The following HDGF variants were observed in gnomAD, a reference collection of about 807,000 sequenced individuals.
HDGF encodes hepatoma-derived growth factor.
A neutral mutation model predicts 30.0 loss-of-function variants in HDGF; 5 were observed. That is an observed-to-expected ratio of 0.17 (90% CI 0.09 to 0.35). HDGF has a LOEUF of 0.35. Ranked by LOEUF, HDGF falls within the 10% of genes least tolerant of loss-of-function variation. The probability of loss-of-function intolerance (pLI) is 1.00; values close to 1 mark genes in which losing one functional copy is unlikely to be tolerated. For missense variants in HDGF, 214 were observed against 302.8 expected (o/e 0.71, Z 2.18); for synonymous variants, 133 against 112.7 (o/e 1.18, Z -1.14).
upstream of HDGF, among the ~76,000 whole-genome samples, chr1:156,767,169 C>T (rs1013544594): frequency 7.9e-5 from 12 of 152,178 alleles, no homozygotes; most frequent in African/African-American, 1.2e-4. Context: ...CCCGACATCA[C>T]TTGCAGTTTC....
upstream of HDGF, among the ~76,000 whole-genome samples, chr1:156,767,303 C>A (rs1651417931): frequency 6.6e-6 from 1 of 152,118 alleles, no homozygotes; most frequent in South Asian, 2.1e-4. Context: ...CTTGTAGTCA[C>A]CTCGGAATTG....
At chr1:156,763,777 G>A (rs184973459) in intron 1 of HDGF, among the ~76,000 whole-genome samples, 1,527 of 151,638 alleles carry the variant, frequency 0.01, 19 homozygotes, top group Admixed American at 0.014. Flanking sequence ...TAGTAGAGAC[G>A]GGGTTTCACC....
chr1:156,743,474 G>A lies in HDGF; in HGVS notation c.717-19C>T, dbSNP rs754684259. On this transcript the variant is annotated intron_variant, in intron 5 of 5. Transcript: ENST00000357325. Reference sequence around the variant, plus strand: ...CTACAGGCTGTGAGGGAGGGTTGGAGGGGAGAAGGGTTAATGGTGTGGCCT... The same window carrying A: ...CTACAGGCTGTGAGGGAGGGTTGGAAGGGAGAAGGGTTAATGGTGTGGCCT... 3 of 1,530,202 alleles carry A rather than the reference G, an allele frequency of 2.0e-6. No homozygotes were observed. Among genetic ancestry groups the A allele is most frequent in the Non-Finnish European group, 8.8e-7 (1 of 1,139,556 alleles). 94.8% of individuals were successfully genotyped at this position (1,530,202 alleles called of 1,614,324 possible). A position where few individuals can be genotyped will look rare whatever the true frequency, so the allele number is the denominator to read the frequency against.
chr1:156,749,401 G>A (rs1412675792), intron 1 of HDGF, among the ~76,000 whole-genome samples: 1 of 152,220 alleles, frequency 6.6e-6, no homozygotes, highest in Non-Finnish European at 1.5e-5. Context: ...TTCTTTTGGA[G>A]TACAAGGGGA....
intron 1 of HDGF, among the ~76,000 whole-genome samples, chr1:156,748,302 G>T (rs926755887): frequency 3.3e-5 from 5 of 152,210 alleles, no homozygotes; most frequent in Admixed American, 3.3e-4. Flanking sequence ...TGGAAGTGGA[G>T]GGCAGTTCTT....
upstream of HDGF, among the ~76,000 whole-genome samples, chr1:156,753,251 G>A (rs982986586): frequency 6.6e-6 from 1 of 152,180 alleles, no homozygotes; most frequent in Non-Finnish European, 1.5e-5. Context: ...CCAGGCTGCT[G>A]GCACAGGGGG....
intron 1 of HDGF, among the ~76,000 whole-genome samples, chr1:156,766,340 A>C (rs1651376129): frequency 6.6e-6 from 1 of 152,142 alleles, no homozygotes; most frequent in East Asian, 1.9e-4. Flanking sequence ...GCTTCGCTCA[A>C]CAGAATTTTC....
At chr1:156,749,357 C>T (rs906948571) in intron 1 of HDGF, among the ~76,000 whole-genome samples, 3 of 152,228 alleles carry the variant, frequency 2.0e-5, no homozygotes, top group Non-Finnish European at 2.9e-5. Context: ...GACTAAGACA[C>T]GGTCCAAGGA....
intron 1 of HDGF, among the ~76,000 whole-genome samples, chr1:156,763,297 C>G (rs553304136): frequency 6.6e-6 from 1 of 151,926 alleles, no homozygotes; most frequent in African/African-American, 2.4e-5. Flanking sequence ...ACTGCAACCT[C>G]TGCCTCCTGC....
At chr1:156,759,304 C>T (rs1271189120) in intron 1 of HDGF, 1 of 152,156 alleles carries the variant, frequency 6.6e-6, no homozygotes, top group Non-Finnish European at 1.5e-5. Context: ...TCCTTAGAGG[C>T]AGAAATATTG....
upstream of HDGF, chr1:156,751,728 G>T: frequency 1.0e-6 from 1 of 955,742 alleles, no homozygotes; most frequent in Non-Finnish European, 1.2e-6. The surrounding 1 kb of genome is among the most constrained non-coding windows in gnomAD (Gnocchi z 4.7). Flanking sequence ...CCCCCCGCCC[G>T]GTCCCCACTC....
At chr1:156,762,246 GA>G (rs544797429) in intron 1 of HDGF, among the ~76,000 whole-genome samples, 1,348 of 134,612 alleles carry the variant, frequency 0.01, 17 homozygotes, top group South Asian at 0.049. Flanking sequence ...TTCATATAAG[GA>G]AAAAAAAAAA....
At chr1:156,764,755 G>A (rs575039730) in intron 1 of HDGF, among the ~76,000 whole-genome samples, 2 of 151,650 alleles carry the variant, frequency 1.3e-5, no homozygotes, top group East Asian at 2.0e-4. Flanking sequence ...GCATGGCGGT[G>A]CACACCTGTA....
chr1:156,756,628 T>C (rs1261460190), upstream of HDGF, among the ~76,000 whole-genome samples: 1 of 152,188 alleles, frequency 6.6e-6, no homozygotes, highest in East Asian at 1.9e-4. Flanking sequence ...TGTAAAATGC[T>C]TGGAGCAGTG....
intron 3 of HDGF, chr1:156,744,641 C>T (rs1650395729): frequency 9.4e-6 from 9 of 956,448 alleles, no homozygotes; most frequent in Admixed American, 3.0e-5. Context: ...CGCCAACCCC[C>T]GCCCCCCACC....
upstream of HDGF, chr1:156,752,543 G>A (rs1187132752): frequency 1.6e-6 from 1 of 618,580 alleles, no homozygotes; most frequent in Non-Finnish European, 2.8e-6. Flanking sequence ...GGTGGGGAGG[G>A]GGGTCTGGGA....
upstream of HDGF, among the ~76,000 whole-genome samples, chr1:156,756,724 C>A (rs914585084): frequency 6.6e-6 from 1 of 151,634 alleles, no homozygotes; most frequent in African/African-American, 2.4e-5. Flanking sequence ...CTTTAAAATG[C>A]CTATGTTTTC....
upstream of HDGF, chr1:156,751,728 G>A (rs1173870105): frequency 4.2e-6 from 4 of 955,724 alleles, no homozygotes; most frequent in African/African-American, 2.4e-5. The surrounding 1 kb of genome is among the most constrained non-coding windows in gnomAD (Gnocchi z 4.7). Flanking sequence ...CCCCCCGCCC[G>A]GTCCCCACTC....
At chr1:156,758,799 C>T (rs1360600349) in intron 2 of HDGF, among the ~76,000 whole-genome samples, 4 of 151,946 alleles carry the variant, frequency 2.6e-5, no homozygotes, top group Admixed American at 2.6e-4. Flanking sequence ...ACAAAAATGC[C>T]TGAGTCAGAC....
Sources: gnomAD v4.1 joint callset for allele counts (sites outside exome capture counted in the v4.1 genomes callset) on GRCh38, gnomAD v4.1.1 for gene constraint, Gnocchi (gnomAD v3.1) non-coding constraint, MANE v1.5 for transcripts, NCBI Gene and HGNC (gene_info 2026-07-23, HGNC 2026-07-21) for gene names.